The following TAFA2 variants were observed in gnomAD, a reference collection of about 807,000 sequenced individuals.
TAFA2 encodes TAFA chemokine like family member 2, also known as chemokine-like protein TAFA-2.
A neutral mutation model predicts 18.8 loss-of-function variants in TAFA2; 7 were observed. The ratio of observed to expected loss-of-function variants is 0.37; its 90% CI spans 0.21 to 0.70. TAFA2 has a LOEUF of 0.70. Among genes scored for constraint, TAFA2 ranks in the 30% least tolerant of loss-of-function variants. TAFA2 has a pLI of 0.53. For missense variants in TAFA2, 122 were observed against 158.1 expected (o/e 0.77, Z 1.23); for synonymous variants, 60 against 54.2 (o/e 1.11, Z -0.47).
chr12:62,184,180 A>G (rs2062569408), intron 1 of TAFA2, among the ~76,000 whole-genome samples: 1 of 152,196 alleles, frequency 6.6e-6, no homozygotes, highest in Admixed American at 6.5e-5. Flanking sequence ...GGAAGGAGCA[A>G]ACATATCTTC....
rs1275150389 is a variant in TAFA2 at position 62,054,585 on chromosome 12, G to A, written c.-2+136674C>T. On this transcript the variant is annotated intron_variant, in intron 1 of 4. Coordinates refer to ENST00000416284, the MANE Select transcript of TAFA2 (RefSeq NM_178539.5). Reference sequence around the variant, plus strand: ...CATTTTAAAGCAAAAGCAATATAATGGTACTTTTAGAACCTCATAAACTTT... The same window carrying A: ...CATTTTAAAGCAAAAGCAATATAATAGTACTTTTAGAACCTCATAAACTTT... Among the ~76,000 whole-genome samples the A allele has an allele frequency of 1.3e-5, 2 of 152,118 alleles. 1 individual carries two copies. Among genetic ancestry groups the A allele is most frequent in the African/African-American group, 4.8e-5 (2 of 41,428 alleles).
At chr12:61,770,012 A>G (rs1402942583) in intron 2 of TAFA2, among the ~76,000 whole-genome samples, 1 of 152,116 alleles carries the variant, frequency 6.6e-6, no homozygotes, top group African/African-American at 2.4e-5. Context: ...ATGAACGAGA[A>G]AATCTCTAAA....
intron 1 of TAFA2, among the ~76,000 whole-genome samples, chr12:62,011,490 G>C (rs1281337418): frequency 6.6e-6 from 1 of 152,044 alleles, no homozygotes; most frequent in Non-Finnish European, 1.5e-5. Flanking sequence ...TGTCAACTCA[G>C]GGTTAAATGG....
At chr12:61,880,123 T>C in intron 1 of TAFA2, 2 of 605,194 alleles carry the variant, frequency 3.3e-6, no homozygotes, top group Non-Finnish European at 6.0e-6. Context: ...AGGCCCAGTA[T>C]AAGGAGATCG....
In TAFA2 at chr12:62,033,603, C is replaced by A. The variant is rs117087286; in HGVS notation, c.-2+157656G>T. 2.6e-5 allele frequency among the ~76,000 whole-genome samples: 4 copies of A among 152,194 alleles called. No individual in the cohort carries two copies. The East Asian group carries it at 7.7e-4, about 29-fold the overall frequency. ...GTCCAAGATCAAATGACTAGAAAAT[C>A]AATTTCTATTAATTATTCTATCACA... On this transcript the variant is annotated intron_variant, in intron 1 of 4. Transcript: ENST00000416284.
intron 1 of TAFA2, among the ~76,000 whole-genome samples, chr12:61,906,624 A>G (rs992950598): frequency 3.3e-5 from 5 of 151,312 alleles, no homozygotes; most frequent in African/African-American, 9.7e-5. Flanking sequence ...TGTGGAAGTG[A>G]CTTTGGAACT....
rs1052148949 is a variant in TAFA2 at position 61,807,319 on chromosome 12, G to A, written c.107-52295C>T. 2.4e-4 allele frequency among the ~76,000 whole-genome samples: 36 copies of A among 151,522 alleles called. 1 individual carries two copies. The highest frequency in any genetic ancestry group is 8.6e-4 in the African/African-American group (35 of 40,806). On this transcript the variant is annotated intron_variant, in intron 2 of 4. Transcript: ENST00000416284. ...CTCAAGCCTTGGCAACTTCCATGTG[G>A]TGTTGAGCCTGAGAATGCACAGACG... is the stretch of plus-strand genomic sequence containing the variant.
chr12:61,729,897 T>A (rs1342045508), intron 4 of TAFA2, among the ~76,000 whole-genome samples: 2 of 152,082 alleles, frequency 1.3e-5, no homozygotes, highest in Non-Finnish European at 1.5e-5. Context: ...TTGTTCAGAT[T>A]TTTTATCCCA....
chr12:62,021,936 A>G (rs569350557), intron 1 of TAFA2: 1 of 723,930 alleles, frequency 1.4e-6, no homozygotes, highest in South Asian at 1.4e-5. Context: ...ATTGCAACAC[A>G]CCATGGCAGG....
chr12:61,980,747 C>A (rs1310028803), intron 1 of TAFA2, among the ~76,000 whole-genome samples: 1 of 152,106 alleles, frequency 6.6e-6, no homozygotes, highest in Non-Finnish European at 1.5e-5. Context: ...ATCCGACTTA[C>A]AAGGGATGTG....
chr12:61,711,999 A>G (rs1298831409), intron 4 of TAFA2, among the ~76,000 whole-genome samples: 3 of 152,132 alleles, frequency 2.0e-5, no homozygotes, highest in Non-Finnish European at 4.4e-5. Flanking sequence ...AATGTGGACC[A>G]TATTTTCAAA....
chr12:61,792,192 C>G (rs556452982), intron 2 of TAFA2, among the ~76,000 whole-genome samples: 1 of 151,234 alleles, frequency 6.6e-6, no homozygotes, highest in Admixed American at 6.6e-5. Flanking sequence ...AATAGTGAAC[C>G]ATGATTACCT....
At chr12:62,121,029 T>G (rs893889776) in intron 1 of TAFA2, among the ~76,000 whole-genome samples, 2 of 151,958 alleles carry the variant, frequency 1.3e-5, no homozygotes, top group Non-Finnish European at 2.9e-5. Flanking sequence ...TAATTTTGTA[T>G]TTTTAGTAGA....
chr12:62,180,076 C>T lies in TAFA2; in HGVS notation c.-2+11183G>A, dbSNP rs183343503. ...GGAAAATCATAGCTCACCCAGTTTT[C>T]CTAGTAGTGTAACATGGACTCTGCT... On this transcript the variant is annotated intron_variant, in intron 1 of 4. Transcript: ENST00000416284. Among the ~76,000 whole-genome samples the T allele has an allele frequency of 4.1e-4, 63 of 152,292 alleles. No homozygotes were observed. The East Asian group carries it at 0.012, about 29-fold the overall frequency.
At chr12:61,990,816 C>T (rs1879983892) in intron 1 of TAFA2, among the ~76,000 whole-genome samples, 2 of 152,038 alleles carry the variant, frequency 1.3e-5, no homozygotes, top group Admixed American at 6.6e-5. Flanking sequence ...CTGATCACCA[C>T]GTGGAGGAGT....
intron 1 of TAFA2, among the ~76,000 whole-genome samples, chr12:61,909,832 G>T (rs1876524158): frequency 6.6e-6 from 1 of 152,118 alleles, no homozygotes; most frequent in African/African-American, 2.4e-5. Context: ...TCAAAGTTTG[G>T]AATATTCCCT....
At chr12:61,922,306 G>A (rs349887) in intron 1 of TAFA2, among the ~76,000 whole-genome samples, 6,161 of 152,262 alleles carry the variant, frequency 0.04, 221 homozygotes, top group African/African-American at 0.1. Flanking sequence ...ATCCAATGCT[G>A]GGCAAGATGG....
intron 1 of TAFA2, among the ~76,000 whole-genome samples, chr12:62,247,707 A>T (rs1034470712): frequency 2.0e-5 from 3 of 152,200 alleles, no homozygotes; most frequent in Non-Finnish European, 2.9e-5. Flanking sequence ...AAACAATTAG[A>T]TTTTTAAAAG....
intron 4 of TAFA2, among the ~76,000 whole-genome samples, chr12:61,737,860 T>A (rs1409622655): frequency 6.6e-6 from 1 of 152,054 alleles, no homozygotes; most frequent in Non-Finnish European, 1.5e-5. Context: ...TTTAATACTA[T>A]CATTATCCTT....
Sources: allele counts gnomAD v4.1 joint callset (sites outside exome capture counted in the v4.1 genomes callset), GRCh38; gene constraint gnomAD v4.1.1; transcripts MANE v1.5; gene names NCBI Gene and HGNC (gene_info 2026-07-23, HGNC 2026-07-21).